FHIT: variants seen among roughly 807,000 people sequenced by gnomAD.
FHIT encodes the protein fragile histidine triad diadenosine triphosphatase.
Under a neutral mutation model 17.9 loss-of-function variants are expected in FHIT, and 19 were observed. The ratio of observed to expected loss-of-function variants is 1.06; its 90% confidence interval spans 0.74 to 1.56. The LOEUF (loss-of-function observed/expected upper bound fraction) is 1.56, where lower values mean the gene tolerates loss of function less well. Ranked by LOEUF, FHIT falls within the 40% of genes most tolerant of loss-of-function variation. The pLI, the probability that FHIT is intolerant of heterozygous loss-of-function variation, is 0.00. For missense variants in FHIT, 248 were observed against 189.2 expected (o/e 1.31, Z -1.82); for synonymous variants, 81 against 69.7 (o/e 1.16, Z -0.81).
chr3:60,122,280 A>T (rs1705293832), intron 5 of FHIT, among the ~76,000 whole-genome samples: 1 of 152,192 alleles, frequency 6.6e-6, no homozygotes. Flanking sequence ...CCACATCAAC[A>T]GATAAGATCC....
chr3:59,788,953 T>C (rs886243754), intron 8 of FHIT, among the ~76,000 whole-genome samples: 1 of 142,608 alleles, frequency 7.0e-6, no homozygotes, highest in Non-Finnish European at 1.5e-5. Flanking sequence ...AAGAGACTTA[T>C]GAATGTTAAG....
chr3:60,625,155 C>T (rs547754357), intron 4 of FHIT, among the ~76,000 whole-genome samples: 1 of 152,182 alleles, frequency 6.6e-6, no homozygotes, highest in Non-Finnish European at 1.5e-5. Flanking sequence ...GTGATCCACT[C>T]GCCTCAGCCT....
At chr3:60,523,039 G>C (rs181941432) in intron 5 of FHIT, among the ~76,000 whole-genome samples, 77 of 152,226 alleles carry the variant, frequency 5.1e-4, no homozygotes, top group Non-Finnish European at 6.2e-4. Context: ...CCAAGTGAAA[G>C]GGGAAACTCC....
intron 5 of FHIT, among the ~76,000 whole-genome samples, chr3:60,194,755 C>T (rs1436391269): frequency 6.6e-6 from 1 of 151,896 alleles, no homozygotes; most frequent in Non-Finnish European, 1.5e-5. Context: ...ACAAATAATC[C>T]CATTAAAAAA....
chr3:59,991,459 G>A (rs1029410857), intron 7 of FHIT, among the ~76,000 whole-genome samples: 1 of 151,982 alleles, frequency 6.6e-6, no homozygotes, highest in Admixed American at 6.6e-5. Flanking sequence ...AGCCAGTGGG[G>A]TCTTGTATTC....
chr3:59,948,432 G>C (rs1706942285), intron 7 of FHIT, among the ~76,000 whole-genome samples: 1 of 151,618 alleles, frequency 6.6e-6, no homozygotes, highest in Non-Finnish European at 1.5e-5. Context: ...CAGGAGAATT[G>C]CTTGAATTTG....
intron 8 of FHIT, among the ~76,000 whole-genome samples, chr3:59,911,713 T>A (rs1704886065): frequency 6.6e-6 from 1 of 152,160 alleles, no homozygotes; most frequent in South Asian, 2.1e-4. Flanking sequence ...GAGGTAAAAG[T>A]TCTTTCTCAG....
chr3:60,653,924 G>C (rs2040056142), intron 4 of FHIT, among the ~76,000 whole-genome samples: 1 of 152,176 alleles, frequency 6.6e-6, no homozygotes, highest in African/African-American at 2.4e-5. Flanking sequence ...CCCCGGTGCT[G>C]GAGGTGGGGC....
chr3:60,727,324 C>T (rs555658472), intron 4 of FHIT, among the ~76,000 whole-genome samples: 1 of 152,256 alleles, frequency 6.6e-6, no homozygotes, highest in South Asian at 2.1e-4. Context: ...GGGCACAACG[C>T]TCCAGAGAAT....
At chr3:61,084,274 C>T (rs941853065) in intron 2 of FHIT, among the ~76,000 whole-genome samples, 1 of 152,162 alleles carries the variant, frequency 6.6e-6, no homozygotes, top group Non-Finnish European at 1.5e-5. Context: ...TAATCTATTG[C>T]TATTTGCTTA....
intron 2 of FHIT, among the ~76,000 whole-genome samples, chr3:61,136,013 A>G (rs992127922): frequency 2.0e-5 from 3 of 152,176 alleles, no homozygotes; most frequent in African/African-American, 7.2e-5. Flanking sequence ...TGGAGGTAGG[A>G]GGCAAAATTT....
At chr3:60,564,923 C>T (rs1218034517) in intron 4 of FHIT, among the ~76,000 whole-genome samples, 1 of 152,006 alleles carries the variant, frequency 6.6e-6, no homozygotes, top group East Asian at 1.9e-4. Context: ...GAGTAAAATG[C>T]TATTAAATAG....
chr3:60,187,735 G>T (rs1702218631), intron 5 of FHIT, among the ~76,000 whole-genome samples: 1 of 152,070 alleles, frequency 6.6e-6, no homozygotes, highest in African/African-American at 2.4e-5. Flanking sequence ...TCTAGTCCAG[G>T]TTCTGACAGT....
chr3:60,752,687 C>T (rs17063920), intron 4 of FHIT, among the ~76,000 whole-genome samples: 3 of 152,068 alleles, frequency 2.0e-5, no homozygotes, highest in African/African-American at 4.8e-5. Flanking sequence ...GCTGTTGGAG[C>T]GCTTGGTGTA....
intron 5 of FHIT, among the ~76,000 whole-genome samples, chr3:60,393,665 CG>C (rs538132631): frequency 2.3e-4 from 35 of 152,094 alleles, no homozygotes; most frequent in East Asian, 5.8e-4. Context: ...TTTCTTCCTA[CG>C]TTTTTTTTAT....
At chr3:61,186,231 T>C (rs1028446398) in intron 2 of FHIT, among the ~76,000 whole-genome samples, 2 of 152,192 alleles carry the variant, frequency 1.3e-5, no homozygotes, top group Non-Finnish European at 2.9e-5. Flanking sequence ...AAAAGCAGCA[T>C]TTATTAATAA....
chr3:61,014,268 T>C (rs1172065426), intron 3 of FHIT, among the ~76,000 whole-genome samples: 5 of 152,158 alleles, frequency 3.3e-5, no homozygotes, highest in Non-Finnish European at 7.4e-5. Context: ...AGAAAACATA[T>C]TGTTACTCAT....
intron 2 of FHIT, among the ~76,000 whole-genome samples, chr3:61,113,018 G>C (rs1332852069): frequency 2.0e-5 from 3 of 151,922 alleles, no homozygotes; most frequent in Non-Finnish European, 4.4e-5. Flanking sequence ...TTGTTTGTTT[G>C]TTTGAGACAG....
chr3:60,650,758 A>G (rs2039971529), intron 4 of FHIT, among the ~76,000 whole-genome samples: 1 of 152,178 alleles, frequency 6.6e-6, no homozygotes, highest in African/African-American at 2.4e-5. Flanking sequence ...CGTTTTTAAG[A>G]TTTTTACTTT....
Sources: gnomAD v4.1 joint callset for allele counts (sites outside exome capture counted in the v4.1 genomes callset) on GRCh38, gnomAD v4.1.1 for gene constraint, MANE v1.5 for transcripts, NCBI Gene and HGNC (gene_info 2026-07-23, HGNC 2026-07-21) for gene names.